AFMID: variants seen among roughly 807,000 people sequenced by gnomAD.
AFMID encodes kynurenine formamidase.
Under a neutral mutation model 47.5 loss-of-function variants are expected in AFMID, and 39 were observed. The ratio of observed to expected loss-of-function variants is 0.82; its 90% confidence interval spans 0.64 to 1.07. The LOEUF (loss-of-function observed/expected upper bound fraction) is 1.07. Ranked by LOEUF, AFMID falls within the 50% of genes least tolerant of loss-of-function variation. The probability of loss-of-function intolerance (pLI) is 0.00; values close to 1 mark genes in which losing one functional copy is unlikely to be tolerated. For synonymous variants in AFMID, 130 were observed against 153.2 expected, an observed-to-expected ratio of 0.85 and a Z score of 1.12; for missense variants, 375 against 387.5, an observed-to-expected ratio of 0.97 and a Z score of 0.27.
At chr17:78,201,722 C>T (rs559988269) in intron 2 of AFMID, among the ~76,000 whole-genome samples, 15 of 152,162 alleles carry the variant, frequency 9.9e-5, no homozygotes, top group African/African-American at 2.6e-4. Context: ...TGTTGACAGA[C>T]GTCAGGACTG....
intron 2 of AFMID, among the ~76,000 whole-genome samples, chr17:78,195,539 G>A (rs1398823257): frequency 7.0e-6 from 1 of 142,642 alleles, no homozygotes; most frequent in Non-Finnish European, 1.5e-5. Flanking sequence ...TTTCACTCTT[G>A]TTACCCAGGC....
intron 1 of AFMID, among the ~76,000 whole-genome samples, chr17:78,188,068 T>TA (rs2145837520): frequency 6.6e-6 from 1 of 151,452 alleles, no homozygotes; most frequent in African/African-American, 2.4e-5. Flanking sequence ...GGTCTGTGCT[T>TA]ATGTGGCACA....
At chr17:78,195,919 C>A (rs1490165079) in intron 2 of AFMID, among the ~76,000 whole-genome samples, 1 of 152,118 alleles carries the variant, frequency 6.6e-6, no homozygotes, top group African/African-American at 2.4e-5. Flanking sequence ...GATCTTGGCT[C>A]ACTGCAAGCT....
rs772735616 is a variant in AFMID, at chr17:78,197,198, G to A, written c.155-5301G>A. 114 of 1,550,624 alleles carry A rather than the reference G, an allele frequency of 7.4e-5. 1 individual carries two copies. The highest frequency in any genetic ancestry group is 5.5e-4 in the South Asian group (46 of 84,066). On this transcript the variant is annotated intron_variant, in intron 2 of 10. Transcript: ENST00000409257. ...CACGACCTTCTGATGAAGCCACTCCGATGAGCCTGTGAGGCACATTGTCTT... is the reference window on the plus strand; with the variant it reads ...CACGACCTTCTGATGAAGCCACTCCAATGAGCCTGTGAGGCACATTGTCTT...
chr17:78,188,737 C>T (rs1341757387), intron 1 of AFMID, among the ~76,000 whole-genome samples: 2 of 152,174 alleles, frequency 1.3e-5, no homozygotes, highest in Admixed American at 1.3e-4. Flanking sequence ...GCTGGGACTA[C>T]ATGCGCCCGC....
intron 1 of AFMID, among the ~76,000 whole-genome samples, chr17:78,190,113 C>T (rs960502246): frequency 1.3e-5 from 2 of 151,758 alleles, no homozygotes; most frequent in African/African-American, 4.8e-5. Flanking sequence ...AGGCGTGAGC[C>T]ACCGCGCCCA....
At position 78,204,706 on chromosome 17, in the gene AFMID, C is replaced by G; in HGVS notation, c.359C>G (p.Ala120Gly). 6.2e-7 allele frequency: 1 copy of G among 1,614,114 alleles called. No individual in the cohort carries two copies. The part of the protein sequence containing the change: ...MVHPLTAQGV[A>G]VVIVAYGIAP... The stretch of plus-strand genomic sequence containing the variant: ...CACCCGCTGACGGCACAGGGAGTGG[C>G]CGTGGTAATAGTGGCTTACGGCATC... The change falls in exon 5 of 11, where the codon GCC becomes GGC. Residue 120 changes from alanine to glycine, a missense_variant. Coordinates refer to ENST00000409257, the MANE Select transcript of AFMID (RefSeq NM_001010982.5).
At chr17:78,194,494 C>T (rs1028912243) in intron 2 of AFMID, among the ~76,000 whole-genome samples, 1 of 152,106 alleles carries the variant, frequency 6.6e-6, no homozygotes, top group Non-Finnish European at 1.5e-5. Flanking sequence ...TGTTAACTTG[C>T]AATGAGGGAT....
rs916995280 is a variant in AFMID, at chr17:78,197,381, C to T, written c.155-5118C>T. The T allele has an allele frequency of 6.5e-6, 4 of 613,338 alleles. No homozygotes were observed. The African/African-American group carries it at 7.5e-5, about 11-fold the overall frequency. 38.0% of individuals were successfully genotyped at this position (613,338 alleles called of 1,614,324 possible). ...GTGGTATGGTAATGGATGTACAAAG[C>T]TATTCACAGCAGGGGTGTTTGTGGT... is the stretch of plus-strand genomic sequence containing the variant. On this transcript the variant is annotated intron_variant, in intron 2 of 10. Coordinates refer to ENST00000409257, the MANE Select transcript of AFMID (RefSeq NM_001010982.5).
intron 10 of AFMID, among the ~76,000 whole-genome samples, chr17:78,206,332 CTG>C (rs1491286791): frequency 1.2e-3 from 116 of 100,732 alleles, no homozygotes; most frequent in African/African-American, 4.5e-3. Flanking sequence ...GAGTAAGACT[CTG>C]TCTCAAAAAA....
chr17:78,187,536 T>A, intron 1 of AFMID, 103 bp downstream of exon 1: 1 of 1,357,392 alleles, frequency 7.4e-7, no homozygotes, highest in Non-Finnish European at 1.0e-6. Flanking sequence ...AGAGCACTCC[T>A]GTGGGCATGC....
chr17:78,197,359 G>T (rs2145861545), intron 2 of AFMID: 3 of 680,608 alleles, frequency 4.4e-6, no homozygotes, highest in South Asian at 1.9e-5. Flanking sequence ...CTTGCAAGTG[G>T]TATGGTAATG....
intron 2 of AFMID, among the ~76,000 whole-genome samples, chr17:78,201,595 A>T (rs1009717056): frequency 6.6e-6 from 1 of 152,134 alleles, no homozygotes; most frequent in Non-Finnish European, 1.5e-5. Flanking sequence ...TAGCCACTGT[A>T]CTCCAGCCTG....
intron 2 of AFMID, among the ~76,000 whole-genome samples, chr17:78,193,187 C>G (rs907295862): frequency 4.9e-4 from 74 of 151,666 alleles, no homozygotes; most frequent in African/African-American, 1.7e-3. Context: ...CTGGCTAACA[C>G]GGTGAAACCC....
chr17:78,193,490 G>A (rs72895992), intron 2 of AFMID, among the ~76,000 whole-genome samples: 1 of 148,330 alleles, frequency 6.7e-6, no homozygotes. Context: ...TAAAAAGCAC[G>A]CACTATTGAA....
rs563457026 is a variant in AFMID at position 78,195,109 on chromosome 17, A to G, written c.154+4049A>G. ...AGGTCCCTAGAGAAGTCAAATTAAT[A>G]AAGACAAGAAATGGAATGGTGGTTG... On this transcript the variant is annotated intron_variant, in intron 2 of 10. Transcript: ENST00000409257. 8.5e-5 allele frequency among the ~76,000 whole-genome samples: 13 copies of G among 152,322 alleles called. No individual in the cohort carries two copies. In the East Asian group the frequency reaches 2.3e-3, roughly 27 times the overall value.
At position 78,202,557 on chromosome 17, in the gene AFMID, C is replaced by T. The variant is rs148580708; in HGVS notation, c.213C>T (p.Gly71=). ...TGCTGCATGTCCCCTATGGAGACGGCGAAGGGGAGAAAGTGGACATTTACT... is the reference window on the plus strand; with the variant it reads ...TGCTGCATGTCCCCTATGGAGACGGTGAAGGGGAGAAAGTGGACATTTACT... The part of the protein sequence containing the change: ...KSLLHVPYGD[G]EGEKVDIYFP... Residue 71 remains glycine (G), a synonymous_variant, in exon 3 of 11, where the codon GGC becomes GGT. Transcript: ENST00000409257. 7.1e-5 allele frequency: 115 copies of T among 1,613,872 alleles called. No homozygotes were observed. The highest frequency in any genetic ancestry group is 5.3e-5 in the Non-Finnish European group (62 of 1,179,988).
At chr17:78,195,218 A>G (rs2076080761) in intron 2 of AFMID, among the ~76,000 whole-genome samples, 1 of 149,886 alleles carries the variant, frequency 6.7e-6, no homozygotes. Flanking sequence ...TGAGACAGGG[A>G]GAGTCTCACT....
intron 10 of AFMID, among the ~76,000 whole-genome samples, chr17:78,206,506 A>G (rs1459493595): frequency 1.3e-5 from 2 of 151,628 alleles, no homozygotes; most frequent in Non-Finnish European, 2.9e-5. Flanking sequence ...TCCTGGGCTC[A>G]AGTGGTTATC....
Sources: allele counts gnomAD v4.1 joint callset (sites outside exome capture counted in the v4.1 genomes callset), GRCh38; gene constraint gnomAD v4.1.1; transcripts MANE v1.5; gene names NCBI Gene and HGNC (gene_info 2026-07-23, HGNC 2026-07-21).